ARHGAP11B: variants seen among roughly 807,000 people sequenced by gnomAD.
ARHGAP11B encodes inactive Rho GTPase-activating protein 11B.
In ARHGAP11B, 14 loss-of-function variants were observed where a neutral mutation model predicts 27.6. That is an observed-to-expected ratio of 0.51 (90% CI 0.34 to 0.79). The LOEUF is 0.79. Ranked by LOEUF, ARHGAP11B falls within the 30% of genes least tolerant of loss-of-function variation. ARHGAP11B has a pLI of 0.02. For missense variants in ARHGAP11B, 245 were observed against 320.1 expected (o/e 0.77, Z 1.79); for synonymous variants, 82 against 114.1 (o/e 0.72, Z 1.80).
chr15:30,641,822 T>C (rs2060317556), intron 7 of ARHGAP11B, among the ~76,000 whole-genome samples: 1 of 151,830 alleles, frequency 6.6e-6, no homozygotes, highest in South Asian at 2.1e-4. Context: ...GTTCAAGTGA[T>C]TCTTGTGCCT....
chr15:30,628,887 G>GA (rs1250014108), intron 1 of ARHGAP11B, among the ~76,000 whole-genome samples: 1 of 151,800 alleles, frequency 6.6e-6, no homozygotes, highest in Non-Finnish European at 1.5e-5. Context: ...AAGACTTAAG[G>GA]AAAAAAACAC....
intron 1 of ARHGAP11B, among the ~76,000 whole-genome samples, chr15:30,627,942 T>C (rs916832900): frequency 1.3e-5 from 2 of 151,970 alleles, no homozygotes; most frequent in African/African-American, 4.8e-5. Flanking sequence ...GCAATACATG[T>C]ACTTACATTT....
chr15:30,644,781 T>G, intron 8 of ARHGAP11B: 1 of 1,170,912 alleles, frequency 8.5e-7, no homozygotes. Context: ...ACAAATGGAA[T>G]ATTTGTATGT....
At chr15:30,646,608 A>T (rs1251356135) in intron 9 of ARHGAP11B, among the ~76,000 whole-genome samples, 1 of 151,336 alleles carries the variant, frequency 6.6e-6, no homozygotes, top group African/African-American at 2.4e-5. Flanking sequence ...GCCTGCAGTG[A>T]GCTGAGATTG....
At position 30,634,391 on chromosome 15, in the gene ARHGAP11B, C is replaced by A; in HGVS notation, c.519C>A (p.Tyr173Ter). ...ACCACACAGTTCATGTATTAAGATA[C>A]TTCTTTAACTTTCTCAGGAATGTTT... The change falls in exon 4 of 11, where the codon TAC becomes TAA. Residue 173 changes from tyrosine (Y) to a stop codon, truncating the protein, a stop_gained. Coordinates refer to ENST00000428041, the Ensembl canonical transcript of ARHGAP11B. LOFTEE classifies it high-confidence loss of function. The A allele has an allele frequency of 6.2e-7, 1 of 1,612,668 alleles. No individual in the cohort carries two copies. The highest frequency in any genetic ancestry group is 8.5e-7 in the Non-Finnish European group (1 of 1,179,458).
chr15:30,626,705 G>T (rs545687593), exon 1 of ARHGAP11B: 1 of 1,456,022 alleles, frequency 6.9e-7, no homozygotes, highest in East Asian at 2.4e-5. Context: ...GTGCCAGACG[G>T]GGCCGGAAAG....
chr15:30,644,659 G>C lies in ARHGAP11B; in HGVS notation c.*99G>C. ...CACAGATAATGAAACAACCACCATC[G>C]GTTAAATTTGATCCAAAAATATTGC... is the stretch of plus-strand genomic sequence containing the variant. On this transcript the variant is annotated 3_prime_UTR_variant, in exon 8 of 11. Transcript: ENST00000428041. 3 of 1,588,628 alleles carry C rather than the reference G, an allele frequency of 1.9e-6. No homozygotes were observed. In the South Asian group the frequency reaches 3.3e-5, roughly 18 times the overall value.
chr15:30,636,618 G>T (rs1295628725), intron 6 of ARHGAP11B, among the ~76,000 whole-genome samples: 2 of 152,080 alleles, frequency 1.3e-5, no homozygotes, highest in African/African-American at 2.4e-5. Flanking sequence ...TAGGGCTACT[G>T]TAGCAAAGTA....
intron 2 of ARHGAP11B, among the ~76,000 whole-genome samples, chr15:30,631,798 T>G (rs2060247558): frequency 6.6e-6 from 1 of 151,624 alleles, no homozygotes; most frequent in Non-Finnish European, 1.5e-5. Flanking sequence ...TTTTTTTTTT[T>G]TTTTTGAGAC....
At position 30,634,564 on chromosome 15, in the gene ARHGAP11B, C is replaced by G. The variant is rs2060266942; in HGVS notation, c.551+141C>G. On this transcript the variant is annotated intron_variant, in intron 4 of 10. Coordinates refer to ENST00000428041, the Ensembl canonical transcript of ARHGAP11B. ...ATTTCATTACTATGAGGAGTATACTCTAATTTAAGAAACAGCATACCAAAT... is the reference window on the plus strand; with the variant it reads ...ATTTCATTACTATGAGGAGTATACTGTAATTTAAGAAACAGCATACCAAAT... 10 of 1,421,312 alleles carry G rather than the reference C, an allele frequency of 7.0e-6. No individual in the cohort carries two copies. The East Asian group carries it at 1.2e-4, about 17-fold the overall frequency. The allele number at this position is 1,421,312 out of a possible 1,614,324, so 88.0% of individuals were successfully genotyped here.
At chr15:30,644,163 T>C (rs2060331738) in intron 7 of ARHGAP11B, among the ~76,000 whole-genome samples, 1 of 152,076 alleles carries the variant, frequency 6.6e-6, no homozygotes, top group South Asian at 2.1e-4. Context: ...GTTTTGTCTG[T>C]AGTTATGTCC....
Position 30,633,493 on chromosome 15 carries a change from T to A in ARHGAP11B, c.204T>A (p.Phe68Leu), listed in dbSNP as rs1167838328. Residue 68 changes from phenylalanine (F) to leucine (L), a missense_variant, in exon 3 of 11, where the codon TTT becomes TTA. This residue lies in a region of ARHGAP11B where 107 missense variants were observed against 121.9 expected (regional missense o/e 0.88). Coordinates refer to ENST00000428041, the Ensembl canonical transcript of ARHGAP11B. ...CCTGAAAAAATCTCTCTTTCAGCTT[T>A]CTTGTCGATGCTTGCACATCTTTAG... The A allele has an allele frequency of 3.1e-6, 5 of 1,609,134 alleles. 1 individual carries two copies. Among genetic ancestry groups the A allele is most frequent in the Non-Finnish European group, 4.2e-6 (5 of 1,178,404 alleles).
intron 1 of ARHGAP11B, among the ~76,000 whole-genome samples, chr15:30,629,225 G>C (rs997303846): frequency 6.6e-6 from 1 of 152,044 alleles, no homozygotes; most frequent in Non-Finnish European, 1.5e-5. Flanking sequence ...TCACTCAGCT[G>C]TTAAGTACAA....
At chr15:30,635,526 T>C (rs2060274411) in exon 6 of ARHGAP11B, 2 of 1,613,340 alleles carry the variant, frequency 1.2e-6, no homozygotes, top group African/African-American at 1.3e-5. Flanking sequence ...ATACCAGCCA[T>C]GTTGGGTATT....
chr15:30,642,807 A>T (rs2060323288), intron 7 of ARHGAP11B, among the ~76,000 whole-genome samples: 2 of 152,062 alleles, frequency 1.3e-5, no homozygotes, highest in Admixed American at 1.3e-4. Flanking sequence ...GCTTAAGCTG[A>T]CCTTTAATTG....
intron 9 of ARHGAP11B, chr15:30,647,609 G>A (rs1029938055): frequency 5.9e-6 from 1 of 169,636 alleles, no homozygotes; most frequent in African/African-American, 2.4e-5. Context: ...CACTTTCTGT[G>A]TTGTGTGAGT....
chr15:30,634,558 T>C, intron 4 of ARHGAP11B, 135 bp downstream of exon 4: 1 of 1,426,914 alleles, frequency 7.0e-7, no homozygotes, highest in South Asian at 1.4e-5. Flanking sequence ...CTATGAGGAG[T>C]ATACTCTAAT....
intron 1 of ARHGAP11B, among the ~76,000 whole-genome samples, chr15:30,627,826 T>TA (rs965461644): frequency 6.6e-6 from 1 of 151,800 alleles, no homozygotes. Flanking sequence ...TTATGGTTTC[T>TA]AAAAAAAAGT....
At chr15:30,627,210 G>T (rs1053577096) in intron 1 of ARHGAP11B, among the ~76,000 whole-genome samples, 2 of 151,754 alleles carry the variant, frequency 1.3e-5, no homozygotes, top group African/African-American at 4.8e-5. Flanking sequence ...GATAATTTTT[G>T]TTAGGGGAAG....
Sources: gnomAD v4.1 joint callset for allele counts (sites outside exome capture counted in the v4.1 genomes callset) on GRCh38, gnomAD v4.1.1 for gene constraint, gnomAD v4.1.1 regional missense constraint, MANE v1.5 for transcripts, NCBI Gene and HGNC (gene_info 2026-07-23, HGNC 2026-07-21) for gene names.